The following TRA2A variants were observed in gnomAD, a reference collection of about 807,000 sequenced individuals.
TRA2A encodes the protein transformer 2 alpha homolog, also known as transformer-2 protein homolog alpha.
A neutral mutation model predicts 45.7 loss-of-function variants in TRA2A; 31 were observed. The ratio of observed to expected loss-of-function variants is 0.68; its 90% CI spans 0.51 to 0.92. The LOEUF (loss-of-function observed/expected upper bound fraction) is 0.92. TRA2A is among the 40% of genes least tolerant of loss of function. The probability of loss-of-function intolerance (pLI) is 0.00; values close to 1 mark genes in which losing one functional copy is unlikely to be tolerated. For synonymous variants in TRA2A, 132 were observed against 126.2 expected, an observed-to-expected ratio of 1.05 and a Z score of -0.31; for missense variants, 304 against 367.5, an observed-to-expected ratio of 0.83 and a Z score of 1.41.
chr7:23,517,477 CAAA>C lies in TRA2A; in HGVS notation c.171-952_171-950del, dbSNP rs70954385. 7.0e-3 allele frequency among the ~76,000 whole-genome samples: 97 copies of C among 13,908 alleles called. 1 individual carries two copies. Among genetic ancestry groups the C allele is most frequent in the South Asian group, 0.01 (4 of 396 alleles). 9.1% of individuals were successfully genotyped at this position (13,908 alleles called of 152,430 possible). A position where few individuals can be genotyped will look rare whatever the true frequency, so the allele number is the denominator to read the frequency against. ...TGGGCGACAGAGCAAGACTACGTCT[CAAA>C]AAAAAAAAAAAAAAAAAAAAAAAAG... On this transcript the variant is annotated intron_variant, in intron 2 of 7. Transcript: ENST00000297071.
chr7:23,512,378 G>A (rs974770233), intron 4 of TRA2A, among the ~76,000 whole-genome samples: 4 of 152,266 alleles, frequency 2.6e-5, no homozygotes, highest in East Asian at 3.9e-4. Flanking sequence ...CTGCTACTCA[G>A]GAGGCTGAGG....
In TRA2A at chr7:23,512,918, A is replaced by G. The variant is rs202063211; in HGVS notation, c.501T>C (p.Phe167=). 1.9e-6 allele frequency: 3 copies of G among 1,613,546 alleles called. No individual in the cohort carries two copies. In the East Asian group the frequency reaches 6.7e-5, roughly 36 times the overall value. The change falls in exon 4 of 8, where the codon TTT becomes TTC. Residue 167 remains phenylalanine, a synonymous_variant. Coordinates refer to ENST00000297071, the MANE Select transcript of TRA2A (RefSeq NM_013293.5). ...CCTCCTTTGAGTCATCTATTCTCTC[A>G]AAATACACAAAAGCAAATCCTCGAG... ...GRSRGFAFVY[F]ERIDDSKEAM... is the part of the protein sequence containing the mutation.
rs769835480 is a variant in TRA2A at position 23,511,406 on chromosome 7, A to AAAAAGAAAAG, written c.525+1478_525+1487dup. 4.2e-4 allele frequency among the ~76,000 whole-genome samples: 21 copies of AAAAAGAAAAG among 50,044 alleles called. No homozygotes were observed. The East Asian group carries it at 7.6e-3, about 18-fold the overall frequency. The allele number at this position is 50,044 out of a possible 152,430, so 32.8% of individuals were successfully genotyped here. ...AAAAAAAAAAAAAAAAAAAAAAAAA[A>AAAAAGAAAAG]AAAAGAAAAGAAAAGAAAAGAAAAA... On this transcript the variant is annotated intron_variant, in intron 4 of 7. Coordinates refer to ENST00000297071, the MANE Select transcript of TRA2A (RefSeq NM_013293.5).
rs759167847 is a variant in TRA2A, at chr7:23,512,878, TAA to T, written c.525+14_525+15del. On this transcript the variant is annotated intron_variant, in intron 4 of 7. Coordinates refer to ENST00000297071, the MANE Select transcript of TRA2A (RefSeq NM_013293.5). ...TAATTCAGTACTATAATCAGGCATA[TAA>T]AAGACAAATTTACCTCCTTTGAGTC... The T allele has an allele frequency of 3.2e-6, 5 of 1,586,872 alleles. No individual in the cohort carries two copies. Among genetic ancestry groups the T allele is most frequent in the Non-Finnish European group, 4.3e-6 (5 of 1,164,206 alleles).
At chr7:23,522,483 ACT>A (rs1324044277) in intron 1 of TRA2A, 1 of 885,968 alleles carries the variant, frequency 1.1e-6, no homozygotes, top group African/African-American at 1.8e-5. Context: ...GGATTATAAA[ACT>A]CTGCTGGAGT....
intron 4 of TRA2A, among the ~76,000 whole-genome samples, chr7:23,512,092 A>G (rs1766878249): frequency 6.6e-6 from 1 of 152,250 alleles, no homozygotes; most frequent in Non-Finnish European, 1.5e-5. Flanking sequence ...CACTTTACAC[A>G]GCCAGATTTC....
At chr7:23,507,158 C>T (rs1230580118) in intron 5 of TRA2A, 2 of 434,040 alleles carry the variant, frequency 4.6e-6, no homozygotes, top group Non-Finnish European at 8.2e-6. Flanking sequence ...AAGAGTCTCA[C>T]TCTGTTGCCC....
chr7:23,517,731 G>T (rs1252652859), intron 2 of TRA2A, among the ~76,000 whole-genome samples: 1 of 150,720 alleles, frequency 6.6e-6, no homozygotes, highest in Non-Finnish European at 1.5e-5. Context: ...CGCCAACATG[G>T]TAAAACCCTG....
chr7:23,513,656 CA>C (rs1227939827), intron 3 of TRA2A, among the ~76,000 whole-genome samples: 1 of 152,094 alleles, frequency 6.6e-6, no homozygotes, highest in Non-Finnish European at 1.5e-5. Context: ...CTTGAACATA[CA>C]TTTTTTTAGT....
At chr7:23,512,652 G>GT (rs1052343658) in intron 4 of TRA2A, among the ~76,000 whole-genome samples, 109 of 152,010 alleles carry the variant, frequency 7.2e-4, no homozygotes, top group African/African-American at 2.5e-3. Flanking sequence ...TAGAGACGGG[G>GT]TTTCACCGTG....
intron 1 of TRA2A, among the ~76,000 whole-genome samples, chr7:23,524,928 G>C (rs1374222900): frequency 6.6e-6 from 1 of 151,904 alleles, no homozygotes; most frequent in Admixed American, 6.6e-5. Context: ...CTGACTCCTT[G>C]ATCTGCCCGC....
intron 1 of TRA2A, among the ~76,000 whole-genome samples, chr7:23,527,597 T>A (rs1179532450): frequency 6.6e-6 from 1 of 152,242 alleles, no homozygotes; most frequent in Non-Finnish European, 1.5e-5. Flanking sequence ...ACACTTCTTA[T>A]AATACACATG....
chr7:23,531,507 AG>A (rs1382561355), intron 1 of TRA2A: 1 of 542,026 alleles, frequency 1.8e-6, no homozygotes, highest in Non-Finnish European at 3.3e-6. Context: ...AGGAAGCCTC[AG>A]GGGTGGGGAG....
intron 2 of TRA2A, among the ~76,000 whole-genome samples, chr7:23,517,453 G>A (rs1192513793): frequency 2.6e-5 from 3 of 116,700 alleles, no homozygotes; most frequent in African/African-American, 6.8e-5. Flanking sequence ...ACTCCAGCCT[G>A]GGCGACAGAG....
At chr7:23,517,143 G>C (rs1007362841) in intron 2 of TRA2A, among the ~76,000 whole-genome samples, 1 of 151,188 alleles carries the variant, frequency 6.6e-6, no homozygotes, top group African/African-American at 2.4e-5. Flanking sequence ...GCTAAGTGCA[G>C]TGATGTGTGC....
At chr7:23,509,884 G>C (rs1302741303) in intron 4 of TRA2A, among the ~76,000 whole-genome samples, 3 of 151,912 alleles carry the variant, frequency 2.0e-5, no homozygotes, top group African/African-American at 7.3e-5. Context: ...AAATTAGCCG[G>C]GCATGGTGGT....
At chr7:23,529,038 A>G (rs1179776654) in intron 1 of TRA2A, among the ~76,000 whole-genome samples, 1 of 152,224 alleles carries the variant, frequency 6.6e-6, no homozygotes, top group African/African-American at 2.4e-5. Flanking sequence ...ATTTTTATAA[A>G]GTACAGTTCT....
chr7:23,527,334 T>C (rs1038564751), intron 1 of TRA2A, among the ~76,000 whole-genome samples: 1 of 152,158 alleles, frequency 6.6e-6, no homozygotes, highest in Non-Finnish European at 1.5e-5. Context: ...TTCCCTTTAG[T>C]ATTCTCCTCT....
chr7:23,531,495 T>G (rs1484388141), intron 1 of TRA2A: 5 of 506,358 alleles, frequency 9.9e-6, no homozygotes, highest in Middle Eastern at 1.1e-3. Flanking sequence ...GGAGCAGACA[T>G]AAGGAAGCCT....
Sources: allele counts gnomAD v4.1 joint callset (sites outside exome capture counted in the v4.1 genomes callset), GRCh38; gene constraint gnomAD v4.1.1; transcripts MANE v1.5; gene names NCBI Gene and HGNC (gene_info 2026-07-23, HGNC 2026-07-21).